Variants in ADGRL4 observed in about 807,000 individuals in gnomAD.
ADGRL4 encodes adhesion G protein-coupled receptor L4.
ADGRL4 carries 90 observed loss-of-function variants against 74.8 expected under a neutral mutation model. That is an observed-to-expected ratio of 1.20 (90% CI 1.02 to 1.43). The LOEUF (loss-of-function observed/expected upper bound fraction) is 1.43. Among genes scored for constraint, ADGRL4 ranks in the 40% most tolerant of loss-of-function variants. The pLI, the probability that ADGRL4 is intolerant of heterozygous loss-of-function variation, is 0.00. For synonymous variants in ADGRL4, 311 were observed against 279.2 expected, an observed-to-expected ratio of 1.11 and a Z score of -1.14; for missense variants, 881 against 814.3, an observed-to-expected ratio of 1.08 and a Z score of -1.00.
intron 12 of ADGRL4, among the ~76,000 whole-genome samples, chr1:78,897,935 T>C (rs1322156694): frequency 1.3e-5 from 2 of 152,124 alleles, no homozygotes; most frequent in African/African-American, 4.8e-5. Context: ...ATCCTTTTTC[T>C]AACAGTGTCA....
Position 78,920,273 on chromosome 1 carries a change from G to A in ADGRL4, c.1371C>T (p.Ser457=), listed in dbSNP as rs189385131. 1 of 1,612,042 alleles carries A rather than the reference G, an allele frequency of 6.2e-7. No homozygotes were observed. ...FTFWFFSEIQ[S]TRTTIHKNLC... ...GATTTTTGTGAATTGTTGTCCTGGT[G>A]CTTTGAATTTCACTGAAGAACCAGA... The change falls in exon 10 of 15, where the codon AGC becomes AGT. Residue 457 remains serine, a synonymous_variant. Coordinates refer to ENST00000370742, the MANE Select transcript of ADGRL4 (RefSeq NM_022159.4).
intron 2 of ADGRL4, among the ~76,000 whole-genome samples, chr1:78,980,357 A>G (rs909546314): frequency 6.6e-6 from 1 of 151,896 alleles, no homozygotes; most frequent in East Asian, 1.9e-4. Flanking sequence ...TGCCTAATAC[A>G]TTGTCAGCTA....
chr1:78,918,705 G>T (rs75762443), intron 10 of ADGRL4, among the ~76,000 whole-genome samples: 5,915 of 151,836 alleles, frequency 0.039, 154 homozygotes, highest in Middle Eastern at 0.058. Flanking sequence ...TACTAGTAAA[G>T]CTAAAGGTAT....
chr1:78,961,217 G>A (rs768520731), intron 2 of ADGRL4, among the ~76,000 whole-genome samples: 14 of 151,936 alleles, frequency 9.2e-5, no homozygotes, highest in Non-Finnish European at 2.1e-4. Flanking sequence ...CAGTAGCTGG[G>A]TGCCAACCTC....
Position 78,891,150 on chromosome 1 carries a change from A to G in ADGRL4, c.*4T>C, listed in dbSNP as rs768934690. Reference sequence around the variant, plus strand: ...CAGTTGTAATTATCCACCATTCTCTATGTTTACCTTAAACATCCAAAACAA... The same window carrying G: ...CAGTTGTAATTATCCACCATTCTCTGTGTTTACCTTAAACATCCAAAACAA... On this transcript the variant is annotated 3_prime_UTR_variant, in exon 15 of 15. Transcript: ENST00000370742. 6.8e-6 allele frequency: 11 copies of G among 1,611,594 alleles called. No individual in the cohort carries two copies. Among genetic ancestry groups the G allele is most frequent in the Non-Finnish European group, 7.6e-6 (9 of 1,178,356 alleles).
chr1:78,995,037 T>C (rs531871981), intron 2 of ADGRL4, among the ~76,000 whole-genome samples: 56 of 152,328 alleles, frequency 3.7e-4, no homozygotes, highest in African/African-American at 1.3e-3. Context: ...GTGGTAATTA[T>C]AAAATCACAT....
At chr1:78,906,263 C>T (rs1332454633) in intron 12 of ADGRL4, among the ~76,000 whole-genome samples, 1 of 151,930 alleles carries the variant, frequency 6.6e-6, no homozygotes, top group East Asian at 1.9e-4. Context: ...TGGCTAAAAT[C>T]CCATCCTAAT....
chr1:79,002,518 T>C (rs2100744222), intron 2 of ADGRL4, among the ~76,000 whole-genome samples: 1 of 152,246 alleles, frequency 6.6e-6, no homozygotes, highest in Non-Finnish European at 1.5e-5. Context: ...GCCTAGACTT[T>C]ATTCTGTTGA....
At chr1:78,915,174 C>G (rs2100666259) in intron 12 of ADGRL4, among the ~76,000 whole-genome samples, 1 of 151,980 alleles carries the variant, frequency 6.6e-6, no homozygotes, top group Non-Finnish European at 1.5e-5. Flanking sequence ...TTACTAGGGA[C>G]ACTGTATAAT....
chr1:78,933,958 G>A (rs1257881582), intron 7 of ADGRL4, among the ~76,000 whole-genome samples: 12 of 152,066 alleles, frequency 7.9e-5, no homozygotes, highest in South Asian at 2.1e-4. Flanking sequence ...AAAATTGTCC[G>A]TGTTCACAGA....
intron 2 of ADGRL4, among the ~76,000 whole-genome samples, chr1:78,994,780 A>G (rs1464544883): frequency 1.3e-5 from 2 of 152,200 alleles, no homozygotes; most frequent in African/African-American, 4.8e-5. Context: ...GAGCACACAT[A>G]TATTTGATCA....
chr1:78,958,146 C>T (rs1649872160), intron 2 of ADGRL4, among the ~76,000 whole-genome samples: 1 of 151,992 alleles, frequency 6.6e-6, no homozygotes, highest in Admixed American at 6.6e-5. Context: ...AATATTACTG[C>T]TCATTGTCAA....
chr1:78,974,569 T>C (rs1252761932), intron 2 of ADGRL4, among the ~76,000 whole-genome samples: 2 of 152,186 alleles, frequency 1.3e-5, no homozygotes, highest in South Asian at 2.1e-4. Context: ...AAAACACAGG[T>C]GTATTATCAT....
chr1:78,939,223 A>C lies in ADGRL4; in HGVS notation c.361T>G (p.Cys121Gly). The change falls in exon 4 of 15, where the codon TGT becomes GGT. Residue 121 changes from cysteine to glycine, a missense_variant. Physicochemically the swap from Cys to Gly is radical, Grantham distance 159. Coordinates refer to ENST00000370742, the MANE Select transcript of ADGRL4 (RefSeq NM_022159.4). ...VNANCHLDNV[C>G]IAANINKTLT... is the part of the protein sequence containing the mutation. ...GTTTTATTAATATTTGCAGCTATAC[A>C]GACATTATCTAAATGGCAGTTTGCA... The C allele has an allele frequency of 7.0e-6, 11 of 1,569,178 alleles. No individual in the cohort carries two copies. Among genetic ancestry groups the C allele is most frequent in the Non-Finnish European group, 8.6e-6 (10 of 1,160,260 alleles).
intron 2 of ADGRL4, among the ~76,000 whole-genome samples, chr1:78,963,820 A>G (rs867117921): frequency 6.6e-6 from 1 of 152,220 alleles, no homozygotes; most frequent in African/African-American, 2.4e-5. Flanking sequence ...AAACCTATGG[A>G]AATTTCTTCA....
intron 2 of ADGRL4, among the ~76,000 whole-genome samples, chr1:78,949,290 T>C (rs1417503559): frequency 6.6e-6 from 1 of 152,118 alleles, no homozygotes; most frequent in African/African-American, 2.4e-5. Flanking sequence ...TTGTTACTAG[T>C]CTTGGGTAAT....
chr1:79,006,397 A>C (rs899580993), intron 1 of ADGRL4, among the ~76,000 whole-genome samples: 8 of 152,158 alleles, frequency 5.3e-5, no homozygotes, highest in African/African-American at 1.9e-4. Context: ...GTGAAAGGGG[A>C]TGCTGGACAC....
chr1:78,912,792 G>C (rs1012390391), intron 12 of ADGRL4, among the ~76,000 whole-genome samples: 1 of 151,758 alleles, frequency 6.6e-6, no homozygotes. Context: ...TGGCAAATGT[G>C]AACTAATTAA....
intron 2 of ADGRL4, among the ~76,000 whole-genome samples, chr1:78,955,389 G>A (rs1463680156): frequency 6.6e-6 from 1 of 151,964 alleles, no homozygotes; most frequent in African/African-American, 2.4e-5. Context: ...TTTATTTGTG[G>A]CATAGTTTGT....
Sources: allele counts gnomAD v4.1 joint callset (sites outside exome capture counted in the v4.1 genomes callset), GRCh38; gene constraint gnomAD v4.1.1; transcripts MANE v1.5; gene names NCBI Gene and HGNC (gene_info 2026-07-23, HGNC 2026-07-21).